Variants in SLC12A6 observed in about 807,000 individuals in gnomAD.
SLC12A6 encodes the protein solute carrier family 12 member 6.
Under a neutral mutation model 135.3 loss-of-function variants are expected in SLC12A6, and 66 were observed. The observed-to-expected ratio is 0.49, with a 90% CI of 0.40 to 0.60. SLC12A6 has a LOEUF of 0.60. Ranked by LOEUF, SLC12A6 falls within the 20% of genes least tolerant of loss-of-function variation. SLC12A6 has a pLI of 0.00. For missense variants in SLC12A6, 1,058 were observed against 1,452.3 expected (o/e 0.73, Z 4.41); for synonymous variants, 513 against 508.8 (o/e 1.01, Z -0.11).
chr15:34,306,231 G>A (rs758548407), intron 2 of SLC12A6, among the ~76,000 whole-genome samples: 11 of 152,228 alleles, frequency 7.2e-5, no homozygotes, highest in Non-Finnish European at 1.3e-4. Flanking sequence ...AAAATGGAAA[G>A]GCAAAGCAGT....
At chr15:34,303,524 T>TA (rs961590909) in intron 2 of SLC12A6, among the ~76,000 whole-genome samples, 24 of 151,966 alleles carry the variant, frequency 1.6e-4, no homozygotes, top group Non-Finnish European at 3.2e-4. Flanking sequence ...AGTTCCTCTT[T>TA]AAAAAAAATA....
At chr15:34,284,540 G>A (rs1894917421) in intron 2 of SLC12A6, among the ~76,000 whole-genome samples, 2 of 152,050 alleles carry the variant, frequency 1.3e-5, no homozygotes, top group Non-Finnish European at 2.9e-5. Context: ...CCAAAGTGCT[G>A]AGATTACAGG....
chr15:34,238,527 T>C, intron 20 of SLC12A6, 126 bp from the exon 21 acceptor site: 1 of 739,198 alleles, frequency 1.4e-6, no homozygotes, highest in Non-Finnish European at 2.4e-6. Flanking sequence ...ACTTAGTAGG[T>C]TATTTCTCAT....
intron 2 of SLC12A6, among the ~76,000 whole-genome samples, chr15:34,324,625 T>TAAA (rs1889345032): frequency 2.1e-5 from 3 of 145,414 alleles, no homozygotes; most frequent in African/African-American, 7.8e-5. Flanking sequence ...AAAAAAAAAT[T>TAAA]TTAAGTTAGA....
intron 2 of SLC12A6, among the ~76,000 whole-genome samples, chr15:34,327,214 T>C (rs984785350): frequency 1.1e-4 from 16 of 152,110 alleles, no homozygotes; most frequent in Admixed American, 3.3e-4. Flanking sequence ...CCTCATCTAA[T>C]AGGGAAGAAT....
intron 13 of SLC12A6, among the ~76,000 whole-genome samples, chr15:34,246,545 C>A (rs1892003969): frequency 6.6e-6 from 1 of 152,070 alleles, no homozygotes; most frequent in Non-Finnish European, 1.5e-5. Flanking sequence ...ATCACAATTT[C>A]TTATCCATTC....
At chr15:34,287,564 T>TA (rs1895184819) in intron 2 of SLC12A6, among the ~76,000 whole-genome samples, 1 of 152,156 alleles carries the variant, frequency 6.6e-6, no homozygotes, top group Non-Finnish European at 1.5e-5. Context: ...CTCTATTCCA[T>TA]AACGATTGAA....
chr15:34,275,436 A>C, intron 2 of SLC12A6, 47 bp from the exon 3 acceptor site: 1 of 1,065,326 alleles, frequency 9.4e-7, no homozygotes, highest in Non-Finnish European at 1.5e-6. Flanking sequence ...GAATGATCAA[A>C]ACAAATAATT....
At chr15:34,265,416 C>CAAAAAAAAAAAAAAA (rs1035614224) in intron 3 of SLC12A6, among the ~76,000 whole-genome samples, 2 of 103,660 alleles carry the variant, frequency 1.9e-5, no homozygotes, top group African/African-American at 8.4e-5. Flanking sequence ...AAAAAAAAAA[C>CAAAAAAAAAAAAAAA]AAACAAAAAA....
At position 34,336,486 on chromosome 15, in the gene SLC12A6, C is replaced by T. The variant is rs1485286290; in HGVS notation, c.195G>A (p.Gly65=). 6.2e-7 allele frequency: 1 copy of T among 1,613,400 alleles called. No homozygotes were observed. The highest frequency in any genetic ancestry group is 2.2e-5 in the East Asian group (1 of 44,870). ...SRSEPMSEMS[G]ATTSLATVAL... ...CAACAGTTGCCAGCGAAGTGGTGGC[C>T]CCAGACATCTCACTCATAGGCTCAC... The change falls in exon 2 of 26, where the codon GGG becomes GGA. Residue 65 remains glycine, a synonymous_variant. Coordinates refer to ENST00000354181, the MANE Select transcript of SLC12A6 (RefSeq NM_001365088.1).
In SLC12A6 at chr15:34,245,748, C is replaced by A; in HGVS notation, c.1769G>T (p.Gly590Val). 6.2e-7 allele frequency: 1 copy of A among 1,613,572 alleles called. No individual in the cohort carries two copies. Among genetic ancestry groups the A allele is most frequent in the Non-Finnish European group, 8.5e-7 (1 of 1,179,524 alleles). Reference protein sequence around the residue: ...TCGAGLQSLTGAPRLLQAIAK... With the variant: ...TCGAGLQSLTVAPRLLQAIAK... ...AATAGCTTGTAGCAGCCTCGGTGCA[C>A]CTGTGAGGCTCTGAAGTCCAGCCCC... Residue 590 changes from glycine (G) to valine (V), a missense_variant, in exon 14 of 26, where the codon GGT becomes GTT. Coordinates refer to ENST00000354181, the MANE Select transcript of SLC12A6 (RefSeq NM_001365088.1).
chr15:34,261,028 A>T lies in SLC12A6; in HGVS notation c.317-8T>A, dbSNP rs980159604. On this transcript the variant is annotated splice_polypyrimidine_tract_variant and splice_region_variant and intron_variant, in intron 3 of 25. Transcript: ENST00000354181. ...CTTTCTTATGTCCGTCGTCTGGAAA[A>T]AAAAAAGTAGACCAAGTTAGTTTCT... The T allele has an allele frequency of 6.9e-7, 1 of 1,440,212 alleles. No individual in the cohort carries two copies. Among genetic ancestry groups the T allele is most frequent in the African/African-American group, 1.4e-5 (1 of 71,522 alleles). 89.2% of individuals were successfully genotyped at this position (1,440,212 alleles called of 1,614,324 possible).
intron 2 of SLC12A6, among the ~76,000 whole-genome samples, chr15:34,298,794 G>C (rs930186667): frequency 7.2e-5 from 11 of 151,994 alleles, no homozygotes; most frequent in African/African-American, 2.4e-4. Flanking sequence ...GTTAAATGTG[G>C]CTTCAGTATG....
At chr15:34,312,010 T>C (rs969641514) in intron 2 of SLC12A6, among the ~76,000 whole-genome samples, 3 of 152,248 alleles carry the variant, frequency 2.0e-5, no homozygotes, top group Non-Finnish European at 4.4e-5. Context: ...GTTCTTATTT[T>C]TGAGTGCTGT....
chr15:34,238,413 A>C lies in SLC12A6; in HGVS notation c.2633-12T>G. Reference sequence around the variant, plus strand: ...CACTCGAACTGTGCCTAGGGAGAAAAAAGAATAAGCAGAGAAGAATCCTTA... The same window carrying C: ...CACTCGAACTGTGCCTAGGGAGAAACAAGAATAAGCAGAGAAGAATCCTTA... On this transcript the variant is annotated splice_polypyrimidine_tract_variant and intron_variant, in intron 20 of 25. Transcript: ENST00000354181. 6.2e-7 allele frequency: 1 copy of C among 1,609,234 alleles called. No homozygotes were observed. The highest frequency in any genetic ancestry group is 8.5e-7 in the Non-Finnish European group (1 of 1,175,738).
chr15:34,238,530 T>C (rs755957024), intron 20 of SLC12A6, 129 bp from the exon 21 acceptor site: 113 of 741,092 alleles, frequency 1.5e-4, no homozygotes, highest in Non-Finnish European at 2.4e-4. Flanking sequence ...TAGTAGGTTA[T>C]TTCTCATTAC....
At chr15:34,318,572 G>A (rs1231484310) in intron 2 of SLC12A6, 2 of 1,613,820 alleles carry the variant, frequency 1.2e-6, no homozygotes, top group Middle Eastern at 1.7e-4. Flanking sequence ...TGGTTCATCT[G>A]AATCCTGAAT....
intron 3 of SLC12A6, among the ~76,000 whole-genome samples, chr15:34,262,854 C>T (rs570559736): frequency 1.9e-4 from 29 of 152,300 alleles, no homozygotes; most frequent in Non-Finnish European, 4.0e-4. Flanking sequence ...GCAATTGCCA[C>T]GGCTGCAGGA....
intron 13 of SLC12A6, among the ~76,000 whole-genome samples, chr15:34,249,242 T>C (rs1316658410): frequency 1.3e-5 from 2 of 152,092 alleles, no homozygotes; most frequent in African/African-American, 4.8e-5. Context: ...TACATCTGTG[T>C]AGTATGGGAA....
Sources: allele counts gnomAD v4.1 joint callset (sites outside exome capture counted in the v4.1 genomes callset), GRCh38; gene constraint gnomAD v4.1.1; transcripts MANE v1.5; gene names NCBI Gene and HGNC (gene_info 2026-07-23, HGNC 2026-07-21).